Variants in TMEM131 observed in about 807,000 individuals in gnomAD.
The protein encoded by TMEM131 is transmembrane protein 131, also known as 2610524E03Rik.
A neutral mutation model predicts 211.6 loss-of-function variants in TMEM131; 66 were observed. That is an observed-to-expected ratio of 0.31 (90% CI 0.26 to 0.38). The LOEUF (loss-of-function observed/expected upper bound fraction) is 0.38. TMEM131 is among the 10% of genes least tolerant of loss of function. The probability of loss-of-function intolerance (pLI) is 1.00; values close to 1 mark genes in which losing one functional copy is unlikely to be tolerated. For missense variants in TMEM131, 2,036 were observed against 2,299.3 expected, an observed-to-expected ratio of 0.89 and a Z score of 2.34; for synonymous variants, 844 against 841.3, an observed-to-expected ratio of 1.00 and a Z score of -0.06.
chr2:97,926,990 C>T (rs1054937419), intron 2 of TMEM131, among the ~76,000 whole-genome samples: 1 of 152,152 alleles, frequency 6.6e-6, no homozygotes, highest in South Asian at 2.1e-4. Context: ...CAAGTTCTCA[C>T]CTTGAAACAG....
At chr2:97,954,348 G>T (rs1171907906) in intron 1 of TMEM131, among the ~76,000 whole-genome samples, 1 of 152,204 alleles carries the variant, frequency 6.6e-6, no homozygotes, top group African/African-American at 2.4e-5. Flanking sequence ...ATAGCCATTA[G>T]AAGATTACTA....
intron 29 of TMEM131, among the ~76,000 whole-genome samples, chr2:97,794,311 C>T (rs1680657058): frequency 6.6e-6 from 1 of 152,076 alleles, no homozygotes; most frequent in Non-Finnish European, 1.5e-5. Flanking sequence ...GCTGGGAATA[C>T]AGGTGTGAGC....
At chr2:97,869,015 A>T (rs983187847) in intron 4 of TMEM131, among the ~76,000 whole-genome samples, 5 of 152,364 alleles carry the variant, frequency 3.3e-5, no homozygotes, top group Admixed American at 2.0e-4. Context: ...CTCAAGCTTC[A>T]TATAGACATT....
chr2:97,775,187 C>A (rs1039680416), intron 32 of TMEM131, among the ~76,000 whole-genome samples: 2 of 152,206 alleles, frequency 1.3e-5, no homozygotes, highest in Admixed American at 1.3e-4. Context: ...GACCCCGTCA[C>A]TAAGGCCCAC....
intron 1 of TMEM131, among the ~76,000 whole-genome samples, chr2:97,954,391 A>G (rs916588781): frequency 4.6e-5 from 7 of 152,246 alleles, no homozygotes; most frequent in African/African-American, 1.7e-4. Context: ...ATGCTCATAA[A>G]TTTGACAACT....
chr2:97,919,086 C>T (rs144509282), intron 2 of TMEM131, among the ~76,000 whole-genome samples: 2 of 152,124 alleles, frequency 1.3e-5, no homozygotes, highest in Non-Finnish European at 2.9e-5. Flanking sequence ...CCAAAAGAAA[C>T]GTTCCAAAAC....
chr2:97,793,081 T>C, intron 30 of TMEM131, 97 bp from the exon 31 acceptor site: 1 of 893,936 alleles, frequency 1.1e-6, no homozygotes, highest in Non-Finnish European at 1.6e-6. Context: ...ACCATAAATA[T>C]AAACTACACT....
chr2:97,816,757 T>C (rs1021216304), intron 12 of TMEM131, among the ~76,000 whole-genome samples: 60 of 152,306 alleles, frequency 3.9e-4, no homozygotes, highest in African/African-American at 1.4e-3. Context: ...GTATCATACA[T>C]AGCAAATAAA....
chr2:97,804,823 T>A (rs538550036), intron 22 of TMEM131, among the ~76,000 whole-genome samples: 1 of 152,172 alleles, frequency 6.6e-6, no homozygotes, highest in South Asian at 2.1e-4. Context: ...TCATCCTACA[T>A]AAGAACAACT....
intron 5 of TMEM131, among the ~76,000 whole-genome samples, chr2:97,854,968 CTTGTAACA>C (rs1238946948): frequency 6.6e-6 from 1 of 152,142 alleles, no homozygotes; most frequent in African/African-American, 2.4e-5. Flanking sequence ...TTCTTCTGAC[CTTGTAACA>C]TCTTCTAAGA....
At chr2:97,978,325 G>A (rs1218070440) in intron 1 of TMEM131, among the ~76,000 whole-genome samples, 3 of 152,140 alleles carry the variant, frequency 2.0e-5, no homozygotes, top group Non-Finnish European at 2.9e-5. Flanking sequence ...TTCACCAGGA[G>A]CAGATTTCAT....
intron 1 of TMEM131, among the ~76,000 whole-genome samples, chr2:97,948,280 A>C (rs566438744): frequency 1.3e-5 from 2 of 152,336 alleles, no homozygotes; most frequent in African/African-American, 4.8e-5. Flanking sequence ...GACTGGAAAT[A>C]ATATTTGCAA....
chr2:97,975,711 T>C (rs2104619439), intron 1 of TMEM131, among the ~76,000 whole-genome samples: 2 of 151,400 alleles, frequency 1.3e-5, no homozygotes, highest in African/African-American at 4.8e-5. Flanking sequence ...ATAACACCAG[T>C]TTTATACAGA....
chr2:97,836,164 T>C (rs1164553675), intron 8 of TMEM131, among the ~76,000 whole-genome samples: 1 of 152,248 alleles, frequency 6.6e-6, no homozygotes, highest in Non-Finnish European at 1.5e-5. Context: ...TTTTGCTGGT[T>C]GTGTTTCTAT....
intron 5 of TMEM131, among the ~76,000 whole-genome samples, chr2:97,854,919 G>A (rs545318909): frequency 7.2e-5 from 11 of 152,174 alleles, no homozygotes; most frequent in African/African-American, 9.6e-5. Context: ...AAATGGTACC[G>A]CCTTCCCTGT....
chr2:97,812,320 C>T lies in TMEM131; in HGVS notation c.1863+101G>A, dbSNP rs948920054. 3.8e-6 allele frequency: 5 copies of T among 1,314,816 alleles called. No homozygotes were observed. In the African/African-American group the frequency reaches 4.4e-5, roughly 12 times the overall value. 81.4% of individuals were successfully genotyped at this position (1,314,816 alleles called of 1,614,324 possible). On this transcript the variant is annotated intron_variant, in intron 17 of 40. Transcript: ENST00000186436. Reference sequence around the variant, plus strand: ...AGCAAGTAACCAACACTATTATGAACTGCATAAAAATAATAGTGATACATG... The same window carrying T: ...AGCAAGTAACCAACACTATTATGAATTGCATAAAAATAATAGTGATACATG...
intron 11 of TMEM131, among the ~76,000 whole-genome samples, chr2:97,823,080 G>A (rs368173154): frequency 2.3e-4 from 35 of 152,100 alleles, no homozygotes; most frequent in East Asian, 3.9e-4. Flanking sequence ...TTTCATTGAC[G>A]GAGAATCCAC....
intron 32 of TMEM131, among the ~76,000 whole-genome samples, chr2:97,773,654 G>GT (rs34393939): frequency 0.36 from 52,472 of 146,340 alleles, 9,726 homozygotes; most frequent in Non-Finnish European, 0.39. Flanking sequence ...ATTATGTGTG[G>GT]TTTTTTTTTT....
chr2:97,913,722 G>C (rs952840930), intron 2 of TMEM131, among the ~76,000 whole-genome samples: 3 of 152,150 alleles, frequency 2.0e-5, no homozygotes, highest in African/African-American at 7.2e-5. Flanking sequence ...GAGGTACGTG[G>C]CAGTTGTGCA....
Sources: allele counts gnomAD v4.1 joint callset (sites outside exome capture counted in the v4.1 genomes callset), GRCh38; gene constraint gnomAD v4.1.1; transcripts MANE v1.5; gene names NCBI Gene and HGNC (gene_info 2026-07-23, HGNC 2026-07-21).